The following FAXDC2 variants were observed in gnomAD, a reference collection of about 807,000 sequenced individuals.
FAXDC2 encodes the protein fatty acid hydroxylase domain-containing protein 2.
Under a neutral mutation model 40.9 loss-of-function variants are expected in FAXDC2, and 41 were observed. The ratio of observed to expected loss-of-function variants is 1.00; its 90% CI spans 0.78 to 1.30. The LOEUF (loss-of-function observed/expected upper bound fraction) is 1.30. Ranked by LOEUF, FAXDC2 falls within the 50% of genes most tolerant of loss-of-function variation. The pLI is 0.00. For synonymous variants in FAXDC2, 157 were observed against 149.3 expected (o/e 1.05, Z -0.38); for missense variants, 390 against 408.8 (o/e 0.95, Z 0.40).
rs1455591825 is a variant in FAXDC2, at chr5:154,822,469, C to T, written c.678+3G>A. ...GCTCTGGGGAGCATAGAGCTCTACT[C>T]ACTGCATGCTCTATAGGGTGGGCAT... On this transcript the variant is annotated splice_donor_region_variant and intron_variant, in intron 7 of 8. Coordinates refer to ENST00000326080, the MANE Select transcript of FAXDC2 (RefSeq NM_032385.5). 6.2e-7 allele frequency: 1 copy of T among 1,602,340 alleles called. No homozygotes were observed. Among genetic ancestry groups the T allele is most frequent in the South Asian group, 1.1e-5 (1 of 90,830 alleles).
chr5:154,833,237 A>C (rs1760237347), intron 4 of FAXDC2, among the ~76,000 whole-genome samples: 1 of 150,982 alleles, frequency 6.6e-6, no homozygotes, highest in Non-Finnish European at 1.5e-5. Context: ...AGGTTTCACT[A>C]TGTTGGCCAG....
intron 1 of FAXDC2, among the ~76,000 whole-genome samples, chr5:154,849,888 A>G (rs988960659): frequency 2.0e-5 from 3 of 152,228 alleles, no homozygotes; most frequent in East Asian, 1.9e-4. Context: ...CATAGGTACT[A>G]TCAAGCCACT....
chr5:154,824,678 T>C, intron 5 of FAXDC2: 1 of 653,136 alleles, frequency 1.5e-6, no homozygotes, highest in Non-Finnish European at 2.8e-6. Flanking sequence ...GAGTACCCAC[T>C]ATGTAGCACT....
chr5:154,820,672 G>A (rs769497718), intron 8 of FAXDC2, 200 bp from the exon 9 acceptor site: 17 of 474,950 alleles, frequency 3.6e-5, no homozygotes, highest in South Asian at 2.9e-4. Flanking sequence ...GCAATTTGCC[G>A]TATCTGGAGT....
chr5:154,836,758 C>G (rs1299182184), intron 2 of FAXDC2, among the ~76,000 whole-genome samples: 1 of 152,068 alleles, frequency 6.6e-6, no homozygotes, highest in Non-Finnish European at 1.5e-5. Flanking sequence ...TCAAGCGATT[C>G]TTGCCTCCCA....
At chr5:154,828,013 C>T (rs1760086390) in intron 5 of FAXDC2, among the ~76,000 whole-genome samples, 1 of 151,814 alleles carries the variant, frequency 6.6e-6, no homozygotes, top group Non-Finnish European at 1.5e-5. Flanking sequence ...CCTCACTTGC[C>T]TAGTTAAAAA....
intron 1 of FAXDC2, among the ~76,000 whole-genome samples, chr5:154,847,988 T>C (rs377092676): frequency 5.9e-5 from 9 of 151,478 alleles, no homozygotes; most frequent in Non-Finnish European, 1.0e-4. Flanking sequence ...CACAGGTGCC[T>C]GCCACCACGC....
chr5:154,842,428 A>ACTCCTGGC (rs1417676311), intron 1 of FAXDC2, among the ~76,000 whole-genome samples: 1 of 131,014 alleles, frequency 7.6e-6, no homozygotes, highest in Non-Finnish European at 1.6e-5. Flanking sequence ...CTGGTCTCTA[A>ACTCCTGGC]CTCCTGGCCT....
chr5:154,830,933 G>A lies in FAXDC2; in HGVS notation c.245-11C>T, dbSNP rs752909709. ...GCACTTGGATGGCACCTGAGATTGG[G>A]AAACAGAAACAGTCAGGGCGACTTT... On this transcript the variant is annotated splice_polypyrimidine_tract_variant and intron_variant, in intron 4 of 8. Coordinates refer to ENST00000326080, the MANE Select transcript of FAXDC2 (RefSeq NM_032385.5). 29 of 1,613,084 alleles carry A rather than the reference G, an allele frequency of 1.8e-5. No individual in the cohort carries two copies. The highest frequency in any genetic ancestry group is 4.0e-5 in the African/African-American group (3 of 74,914).
rs185230440 is a variant in FAXDC2 at position 154,819,089 on chromosome 5, C to T, written c.*1227G>A. On this transcript the variant is annotated 3_prime_UTR_variant, in exon 9 of 9. Coordinates refer to ENST00000326080, the MANE Select transcript of FAXDC2 (RefSeq NM_032385.5). The stretch of plus-strand genomic sequence containing the variant: ...CCTGGAGACTTGGACCTAGCTGATA[C>T]TAAGGTATTTTATAAAGCTACAGTG... 4 of 152,306 alleles carry T rather than the reference C, an allele frequency of 2.6e-5. No individual in the cohort carries two copies. In the East Asian group the frequency reaches 7.7e-4, roughly 29 times the overall value. The allele number at this position is 152,306 out of a possible 1,614,324, so 9.4% of individuals were successfully genotyped here. A position where few individuals can be genotyped will look rare whatever the true frequency, so the allele number is the denominator to read the frequency against.
At position 154,819,673 on chromosome 5, in the gene FAXDC2, C is replaced by G. The variant is rs1759826135; in HGVS notation, c.*643G>C. The G allele has an allele frequency of 6.6e-6, 1 of 152,336 alleles. No individual in the cohort carries two copies. The highest frequency in any genetic ancestry group is 2.1e-4 in the South Asian group (1 of 4,822). 9.4% of individuals were successfully genotyped at this position (152,336 alleles called of 1,614,324 possible). On this transcript the variant is annotated 3_prime_UTR_variant, in exon 9 of 9. Transcript: ENST00000326080. Reference sequence around the variant, plus strand: ...TCTTTTTCTCCCCCACAGAGGGAAACCTTTTGTTTGCGGTGGGCCAGAGTT... The same window carrying G: ...TCTTTTTCTCCCCCACAGAGGGAAAGCTTTTGTTTGCGGTGGGCCAGAGTT...
At chr5:154,832,971 T>G (rs1310688008) in intron 4 of FAXDC2, among the ~76,000 whole-genome samples, 1 of 152,216 alleles carries the variant, frequency 6.6e-6, no homozygotes, top group Non-Finnish European at 1.5e-5. Context: ...CAACTGACAC[T>G]TTTTATCTTC....
chr5:154,847,782 C>A (rs943315755), intron 1 of FAXDC2, among the ~76,000 whole-genome samples: 2 of 151,472 alleles, frequency 1.3e-5, no homozygotes, highest in Non-Finnish European at 2.9e-5. Context: ...TGAGCCACTG[C>A]GCCTGGCCCA....
At chr5:154,844,482 G>T (rs1454007056) in intron 1 of FAXDC2, among the ~76,000 whole-genome samples, 1 of 152,050 alleles carries the variant, frequency 6.6e-6, no homozygotes, top group Admixed American at 6.6e-5. Flanking sequence ...CTCTCTGGAA[G>T]AAGTGGTATG....
chr5:154,830,880 C>T lies in FAXDC2; in HGVS notation c.287G>A (p.Gly96Glu), dbSNP rs1043193315. Residue 96 changes from glycine (G) to glutamate (E), a missense_variant, in exon 5 of 9, where the codon GGG (glycine) becomes GAG (glutamate). By Grantham distance (98) the Gly-to-Glu change is moderately conservative. Coordinates refer to ENST00000326080, the MANE Select transcript of FAXDC2 (RefSeq NM_032385.5). ...TGTTGTGTCAACCACCAATAGAAGC[C>T]CATTGAAGCTCCAGAAGAAGAGACA... is the stretch of plus-strand genomic sequence containing the variant. The part of the protein sequence containing the change: ...VPCLFFWSFN[G>E]LLLVVDTTGK... 7.4e-6 allele frequency: 12 copies of T among 1,613,946 alleles called. No homozygotes were observed. Among genetic ancestry groups the T allele is most frequent in the Middle Eastern group, 1.6e-4 (1 of 6,084 alleles).
chr5:154,832,714 C>T (rs1388983330), intron 4 of FAXDC2, among the ~76,000 whole-genome samples: 1 of 152,084 alleles, frequency 6.6e-6, no homozygotes, highest in Admixed American at 6.6e-5. Context: ...CTCATATTGG[C>T]TTATCACCAA....
rs769590399 is a variant in FAXDC2 at position 154,834,656 on chromosome 5, A to G, written c.213T>C (p.Phe71=). ...QAQWERLLTT[F]EGKEWILFFI... is the part of the protein sequence containing the mutation. ...AGAAGAGGATCCACTCCTTCCCTTC[A>G]AATGTAGTCAGCAGCCTCTCCCACT... is the stretch of plus-strand genomic sequence containing the variant. Residue 71 remains phenylalanine, a synonymous_variant, in exon 4 of 9, where the codon TTT becomes TTC. Transcript: ENST00000326080. 71 of 1,613,842 alleles carry G rather than the reference A, an allele frequency of 4.4e-5. 1 individual carries two copies. In the African/African-American group the frequency reaches 8.7e-4, roughly 20 times the overall value.
At chr5:154,824,699 G>A in intron 5 of FAXDC2, 1 of 600,318 alleles carries the variant, frequency 1.7e-6, no homozygotes, top group Non-Finnish European at 3.0e-6. Flanking sequence ...CAGTGTACTG[G>A]GTGTTGAAAA....
chr5:154,824,414 C>A, intron 5 of FAXDC2: 1 of 689,818 alleles, frequency 1.4e-6, no homozygotes, highest in Non-Finnish European at 2.7e-6. Flanking sequence ...GGGATTTCTG[C>A]CCCAAAGCGC....
Sources: gnomAD v4.1 joint callset for allele counts (sites outside exome capture counted in the v4.1 genomes callset) on GRCh38, gnomAD v4.1.1 for gene constraint, MANE v1.5 for transcripts, NCBI Gene and HGNC (gene_info 2026-07-23, HGNC 2026-07-21) for gene names.